The following XPO7 variants were observed in gnomAD, a reference collection of about 807,000 sequenced individuals.
XPO7 encodes exportin-7.
In XPO7, 21 loss-of-function variants were observed where a neutral mutation model predicts 144.3. That is an observed-to-expected ratio of 0.15 (90% CI 0.10 to 0.21). The LOEUF is 0.21. Among genes scored for constraint, XPO7 ranks in the 10% least tolerant of loss-of-function variants. XPO7 has a pLI of 1.00. For missense variants in XPO7, 808 were observed against 1,325.8 expected (o/e 0.61, Z 6.06); for synonymous variants, 580 against 499.6 (o/e 1.16, Z -2.15).
At chr8:21,987,649 TCC>T (rs1812624799) in intron 14 of XPO7, 133 bp from the exon 15 acceptor site, 1 of 952,588 alleles carries the variant, frequency 1.0e-6, no homozygotes, top group African/African-American at 1.7e-5. Flanking sequence ...AACTAGCTTA[TCC>T]CTTCAGTAAA....
rs1190527556 is a variant in XPO7 at position 21,974,707 on chromosome 8, T to C, written c.530T>C (p.Ile177Thr). The change falls in exon 6 of 28, where the codon ATA (isoleucine) becomes ACA (threonine). Residue 177 changes from isoleucine (I) to threonine (T), a missense_variant. Physicochemically the swap from Ile to Thr is moderately conservative, Grantham distance 89. Around this residue, in one of 5 missense-constraint regions of XPO7, gnomAD observed 223 missense variants for 368.8 expected, o/e 0.60. Transcript: ENST00000252512. ...CATCCTTTAACCAAGCACAGAAAAA[T>C]AGCCTCTTCTTTTCGCGATTCATCA... The part of the protein sequence containing the change: ...TTHPLTKHRK[I>T]ASSFRDSSLF... The C allele has an allele frequency of 1.3e-6, 2 of 1,594,308 alleles. No individual in the cohort carries two copies. The highest frequency in any genetic ancestry group is 1.7e-6 in the Non-Finnish European group (2 of 1,170,008).
intron 1 of XPO7, among the ~76,000 whole-genome samples, chr8:21,927,297 G>T (rs899361105): frequency 1.1e-4 from 16 of 152,094 alleles, no homozygotes; most frequent in African/African-American, 3.9e-4. Flanking sequence ...TGTTACAAAT[G>T]AAAATTTGTT....
chr8:21,994,500 T>A (rs367709521), intron 20 of XPO7, 49 bp downstream of exon 20: 18 of 1,527,952 alleles, frequency 1.2e-5, no homozygotes, highest in Non-Finnish European at 1.6e-5. Flanking sequence ...TTAACTGGAG[T>A]GTGATTGGGT....
rs563124959 is a variant in XPO7, at chr8:21,928,070, A to T, written c.18+8282A>T. Among the ~76,000 whole-genome samples the T allele has an allele frequency of 1.2e-4, 18 of 152,350 alleles. No individual in the cohort carries two copies. In the East Asian group the frequency reaches 3.5e-3, roughly 29 times the overall value. On this transcript the variant is annotated intron_variant, in intron 1 of 27. Transcript: ENST00000252512. ...TGTGACTCCGGGATCAAAATATGGA[A>T]CATTTCCTCTTTGCAGTCTGTTCCT...
chr8:21,921,661 A>G (rs1410688837), intron 1 of XPO7: 1 of 152,118 alleles, frequency 6.6e-6, no homozygotes, highest in Admixed American at 6.5e-5. Flanking sequence ...TTGTTCTCCC[A>G]CTCACCACTC....
At chr8:21,965,699 T>G (rs986597360) in intron 1 of XPO7, among the ~76,000 whole-genome samples, 12 of 152,206 alleles carry the variant, frequency 7.9e-5, no homozygotes, top group African/African-American at 2.9e-4. Flanking sequence ...AAAATATGAA[T>G]CCTGCCCCAA....
At chr8:21,947,959 G>T (rs1379175239) in intron 1 of XPO7, among the ~76,000 whole-genome samples, 1 of 152,108 alleles carries the variant, frequency 6.6e-6, no homozygotes, top group Admixed American at 6.6e-5. Flanking sequence ...AAAAAACATG[G>T]CATGTTTGAA....
intron 1 of XPO7, among the ~76,000 whole-genome samples, chr8:21,961,532 T>C (rs1355190125): frequency 6.6e-6 from 1 of 152,166 alleles, no homozygotes; most frequent in Non-Finnish European, 1.5e-5. Context: ...TGTGTACCTT[T>C]ATACTCCCAG....
intron 1 of XPO7, among the ~76,000 whole-genome samples, chr8:21,945,505 T>TA (rs1305162960): frequency 6.6e-6 from 1 of 152,234 alleles, no homozygotes; most frequent in Admixed American, 6.5e-5. Context: ...ACAGGAAAGA[T>TA]ACAGTTTAAC....
At chr8:21,999,775 C>T in intron 24 of XPO7, 101 bp downstream of exon 24, 1 of 1,470,032 alleles carries the variant, frequency 6.8e-7, no homozygotes, top group Non-Finnish European at 9.3e-7. Flanking sequence ...AAGATCACCA[C>T]TGCCTTGGGG....
At chr8:21,927,687 A>T (rs1457188629) in intron 1 of XPO7, among the ~76,000 whole-genome samples, 1 of 152,050 alleles carries the variant, frequency 6.6e-6, no homozygotes, top group Non-Finnish European at 1.5e-5. Context: ...CTGGGATTAC[A>T]GGCATGCACC....
At chr8:21,974,431 G>A (rs1265955963) in intron 5 of XPO7, among the ~76,000 whole-genome samples, 1 of 152,136 alleles carries the variant, frequency 6.6e-6, no homozygotes, top group Admixed American at 6.5e-5. Flanking sequence ...TTGCAGCAGA[G>A]ATTATCCATC....
chr8:21,984,152 C>T (rs750814475), intron 11 of XPO7, among the ~76,000 whole-genome samples: 6 of 152,134 alleles, frequency 3.9e-5, no homozygotes, highest in East Asian at 1.9e-4. Context: ...GCTACAGGAA[C>T]GTTGAGTTTG....
intron 24 of XPO7, among the ~76,000 whole-genome samples, chr8:22,001,308 CAA>C (rs762708728): frequency 2.0e-4 from 23 of 116,816 alleles, no homozygotes; most frequent in Non-Finnish European, 1.5e-4. Flanking sequence ...GACTCCGTAT[CAA>C]AAAAAAAAAA....
intron 2 of XPO7, among the ~76,000 whole-genome samples, chr8:21,968,175 C>G (rs1309571370): frequency 2.6e-5 from 4 of 152,228 alleles, no homozygotes; most frequent in Middle Eastern, 6.8e-3. Flanking sequence ...ATGTGGTATT[C>G]TGAACAACAG....
At chr8:21,971,727 A>C in intron 4 of XPO7, 149 bp from the exon 5 acceptor site, 1 of 488,482 alleles carries the variant, frequency 2.0e-6, no homozygotes, top group South Asian at 5.2e-5. Context: ...CCAGCAAAAC[A>C]ACAGTTTTAA....
intron 24 of XPO7, among the ~76,000 whole-genome samples, chr8:22,000,272 G>T (rs1012194650): frequency 1.3e-5 from 2 of 152,134 alleles, no homozygotes; most frequent in African/African-American, 4.8e-5. Flanking sequence ...TTAGAGATAA[G>T]CAGGAGCAAA....
chr8:21,928,107 C>G (rs1400606650), intron 1 of XPO7, among the ~76,000 whole-genome samples: 2 of 152,206 alleles, frequency 1.3e-5, no homozygotes, highest in East Asian at 3.8e-4. Flanking sequence ...CCTCAGCTCT[C>G]AGACCCACAC....
intron 6 of XPO7, among the ~76,000 whole-genome samples, chr8:21,975,774 C>T (rs998656245): frequency 6.6e-5 from 10 of 152,170 alleles, no homozygotes; most frequent in Non-Finnish European, 1.0e-4. Flanking sequence ...CAGCCAGTCA[C>T]GGAGGCTCAG....
Sources: allele counts gnomAD v4.1 joint callset (sites outside exome capture counted in the v4.1 genomes callset), GRCh38; gene constraint gnomAD v4.1.1; regional missense constraint gnomAD v4.1.1; transcripts MANE v1.5; gene names NCBI Gene and HGNC (gene_info 2026-07-23, HGNC 2026-07-21).